The following SKIC8 variants were observed in gnomAD, a reference collection of about 807,000 sequenced individuals.
SKIC8 encodes SKI8 subunit of superkiller complex.
chr15:78,287,420 T>C, the SKIC8 span, among the ~76,000 whole-genome samples: 4 of 152,236 alleles, frequency 2.6e-5, no homozygotes, highest in East Asian at 7.7e-4. Flanking sequence ...GAAGGAGCAG[T>C]GTTTCTACTG....
chr15:78,296,676 A>C, the SKIC8 span, among the ~76,000 whole-genome samples: 1 of 151,922 alleles, frequency 6.6e-6, no homozygotes, highest in Non-Finnish European at 1.5e-5. Flanking sequence ...TGGATATTTT[A>C]ATTTTTTGTA....
At chr15:78,298,120 T>C in the SKIC8 span, among the ~76,000 whole-genome samples, 4 of 152,206 alleles carry the variant, frequency 2.6e-5, no homozygotes, top group African/African-American at 9.6e-5. Flanking sequence ...TCAAGCCAGT[T>C]TGGCTAATGG....
At chr15:78,292,435 T>G in the SKIC8 span, 1 of 632,048 alleles carries the variant, frequency 1.6e-6, no homozygotes, top group Non-Finnish European at 2.8e-6. Context: ...GAGGTATTAG[T>G]CTTTCATTAC....
the SKIC8 span, chr15:78,294,945 C>T: frequency 6.2e-7 from 1 of 1,614,004 alleles, no homozygotes; most frequent in Non-Finnish European, 8.5e-7. Context: ...AGGCTACTTA[C>T]CTTGCTCTTG....
At chr15:78,289,247 C>G in the SKIC8 span, among the ~76,000 whole-genome samples, 1 of 151,930 alleles carries the variant, frequency 6.6e-6, no homozygotes, top group Admixed American at 6.6e-5. Flanking sequence ...ACCCCATCTC[C>G]TCAAAAATTT....
At chr15:78,289,857 C>A in the SKIC8 span, 111 of 1,560,808 alleles carry the variant, frequency 7.1e-5, no homozygotes, top group African/African-American at 1.4e-3. Flanking sequence ...AGCTGCCTGA[C>A]CAGACCAAGA....
the SKIC8 span, chr15:78,295,167 T>C: frequency 1.6e-6 from 1 of 619,302 alleles, no homozygotes; most frequent in East Asian, 2.8e-5. Flanking sequence ...CAGAAAAAAA[T>C]TCTTAAAGAA....
At chr15:78,296,018 G>T in the SKIC8 span, 14 of 262,368 alleles carry the variant, frequency 5.3e-5, no homozygotes, top group Middle Eastern at 1.1e-3. Flanking sequence ...TCTTTAGAGA[G>T]AAAAAAACCA....
At chr15:78,289,943 T>G in the SKIC8 span, 2 of 1,612,436 alleles carry the variant, frequency 1.2e-6, no homozygotes, top group African/African-American at 2.7e-5. Flanking sequence ...AGAGCAATGT[T>G]TCCTTACATA....
At chr15:78,293,346 T>G in the SKIC8 span, 1 of 1,321,088 alleles carries the variant, frequency 7.6e-7, no homozygotes, top group Non-Finnish European at 1.1e-6. Flanking sequence ...TGTTCAACAA[T>G]TGTGAGGTAA....
At chr15:78,295,065 G>T in the SKIC8 span, 1 of 1,464,410 alleles carries the variant, frequency 6.8e-7, no homozygotes, top group African/African-American at 1.4e-5. Flanking sequence ...AGTAGACAGA[G>T]TCACCACAGT....
the SKIC8 span, among the ~76,000 whole-genome samples, chr15:78,299,169 C>T: frequency 2.9e-3 from 436 of 152,306 alleles, 2 homozygotes; most frequent in African/African-American, 1.0e-2. Flanking sequence ...CTGTCTGTAC[C>T]CGTCCAGTGA....
the SKIC8 span, among the ~76,000 whole-genome samples, chr15:78,298,876 T>C: frequency 6.6e-6 from 1 of 152,132 alleles, no homozygotes; most frequent in African/African-American, 2.4e-5. Flanking sequence ...TAAGGAAGCT[T>C]CCCCAAGGGA....
At chr15:78,292,707 C>T in the SKIC8 span, 2 of 1,614,196 alleles carry the variant, frequency 1.2e-6, no homozygotes, top group East Asian at 4.5e-5. Flanking sequence ...CAGCAATGGG[C>T]AGGGTGTGGC....
chr15:78,298,779 C>T, the SKIC8 span, among the ~76,000 whole-genome samples: 1 of 152,142 alleles, frequency 6.6e-6, no homozygotes, highest in Non-Finnish European at 1.5e-5. Flanking sequence ...TCCACTGGAA[C>T]GTACACCCCG....
chr15:78,286,078 C>A, the SKIC8 span: 2 of 1,613,882 alleles, frequency 1.2e-6, no homozygotes, highest in Non-Finnish European at 1.7e-6. Context: ...CAGAATGCAA[C>A]GTTCAGCACC....
the SKIC8 span, among the ~76,000 whole-genome samples, chr15:78,287,854 G>A: frequency 3.3e-5 from 5 of 152,132 alleles, no homozygotes; most frequent in Admixed American, 6.5e-5. Context: ...GTAGCAGGGC[G>A]GCTTATAAAC....
chr15:78,293,650 C>T, the SKIC8 span, among the ~76,000 whole-genome samples: 4 of 152,156 alleles, frequency 2.6e-5, no homozygotes, highest in Non-Finnish European at 5.9e-5. Flanking sequence ...ACAGATACTC[C>T]GAAAAGATCT....
chr15:78,283,658 G>A, the SKIC8 span: 1 of 616,740 alleles, frequency 1.6e-6, no homozygotes, highest in African/African-American at 1.9e-5. Context: ...CTAAATCAGT[G>A]AGAATGGAGG....
Sources: gnomAD v4.1 joint callset for allele counts (sites outside exome capture counted in the v4.1 genomes callset) on GRCh38, gnomAD v4.1.1 for gene constraint, MANE v1.5 for transcripts, NCBI Gene and HGNC (gene_info 2026-07-23, HGNC 2026-07-21) for gene names.